LRMDA: variants seen among roughly 807,000 people sequenced by gnomAD.
LRMDA encodes leucine-rich melanocyte differentiation-associated protein.
Under a neutral mutation model 29.8 loss-of-function variants are expected in LRMDA, and 18 were observed. That is an observed-to-expected ratio of 0.60 (90% CI 0.42 to 0.90). The LOEUF (loss-of-function observed/expected upper bound fraction) is 0.90. Among genes scored for constraint, LRMDA ranks in the 40% least tolerant of loss-of-function variants. LRMDA has a pLI of 0.00. For synonymous variants in LRMDA, 125 were observed against 109.4 expected, an observed-to-expected ratio of 1.14 and a Z score of -0.89; for missense variants, 273 against 273.9, an observed-to-expected ratio of 1.00 and a Z score of 0.02.
intron 6 of LRMDA, among the ~76,000 whole-genome samples, chr10:76,425,344 A>AT (rs1006303295): frequency 6.6e-6 from 1 of 151,420 alleles, no homozygotes; most frequent in Non-Finnish European, 1.5e-5. Flanking sequence ...GACAACCTTA[A>AT]TTTTTTTTCT....
intron 2 of LRMDA, among the ~76,000 whole-genome samples, chr10:75,488,628 T>A (rs140007703): frequency 1.3e-5 from 2 of 152,320 alleles, no homozygotes; most frequent in East Asian, 3.9e-4. Flanking sequence ...TGAGACTCAC[T>A]TTTCAGGCCC....
chr10:75,695,568 C>G, intron 2 of LRMDA, among the ~76,000 whole-genome samples: 1 of 152,154 alleles, frequency 6.6e-6, no homozygotes, highest in African/African-American at 2.4e-5. Context: ...ATCTCCCTCC[C>G]CCTCCCTTTA....
chr10:76,093,965 C>A (rs1345081366), intron 5 of LRMDA, among the ~76,000 whole-genome samples: 1 of 152,196 alleles, frequency 6.6e-6, no homozygotes, highest in African/African-American at 2.4e-5. Flanking sequence ...ACCACGCTAT[C>A]CGCCAAAATG....
intron 5 of LRMDA, among the ~76,000 whole-genome samples, chr10:76,211,430 A>G (rs373003569): frequency 1.3e-4 from 20 of 152,206 alleles, no homozygotes; most frequent in East Asian, 5.8e-4. Context: ...CTTAGACTGG[A>G]CACATAGGTG....
intron 2 of LRMDA, among the ~76,000 whole-genome samples, chr10:75,999,808 T>C (rs2132467743): frequency 6.6e-6 from 1 of 152,358 alleles, no homozygotes; most frequent in East Asian, 1.9e-4. Context: ...ATTATTCTAT[T>C]TGAATAGCAC....
chr10:76,401,157 T>G (rs557649195), intron 6 of LRMDA, among the ~76,000 whole-genome samples: 1 of 152,248 alleles, frequency 6.6e-6, no homozygotes, highest in South Asian at 2.1e-4. Flanking sequence ...GAGCTTCCAA[T>G]ATAATGACTT....
intron 5 of LRMDA, among the ~76,000 whole-genome samples, chr10:76,095,222 A>G (rs1849295305): frequency 6.6e-6 from 1 of 152,214 alleles, no homozygotes; most frequent in East Asian, 1.9e-4. Context: ...TGAGAAATAA[A>G]TGGAATCATA....
At chr10:75,797,589 C>T (rs2132257879) in intron 2 of LRMDA, among the ~76,000 whole-genome samples, 1 of 152,274 alleles carries the variant, frequency 6.6e-6, no homozygotes, top group East Asian at 1.9e-4. Flanking sequence ...AAACAAGTTA[C>T]TGTTACAATT....
chr10:76,539,144 A>C (rs1283805270), intron 6 of LRMDA, among the ~76,000 whole-genome samples: 1 of 152,242 alleles, frequency 6.6e-6, no homozygotes, highest in Non-Finnish European at 1.5e-5. Flanking sequence ...ATGAAAGGTC[A>C]GATGAGAAAA....
intron 2 of LRMDA, among the ~76,000 whole-genome samples, chr10:75,525,596 T>C (rs557036512): frequency 4.9e-4 from 72 of 147,828 alleles, no homozygotes; most frequent in South Asian, 3.6e-3. Context: ...TTCTTTCTTT[T>C]TTTTTTTTTT....
intron 6 of LRMDA, among the ~76,000 whole-genome samples, chr10:76,432,377 C>G (rs1312204566): frequency 6.6e-6 from 1 of 152,148 alleles, no homozygotes; most frequent in Non-Finnish European, 1.5e-5. Flanking sequence ...CCCAAACCTT[C>G]CCTACAATTT....
chr10:75,982,267 G>A (rs1221639287), intron 2 of LRMDA, among the ~76,000 whole-genome samples: 5 of 152,206 alleles, frequency 3.3e-5, no homozygotes, highest in African/African-American at 1.2e-4. Flanking sequence ...TGAACTGATT[G>A]GGGTTTTCAG....
chr10:75,558,052 CGGA>C, intron 2 of LRMDA, among the ~76,000 whole-genome samples: 1 of 151,818 alleles, frequency 6.6e-6, no homozygotes, highest in Non-Finnish European at 1.5e-5. Context: ...ACTGCTTCAT[CGGA>C]CAAACAACAC....
Position 75,728,420 on chromosome 10 carries a change from G to A in LRMDA, c.131+289926G>A, listed in dbSNP as rs959996137. 5.5e-5 allele frequency among the ~76,000 whole-genome samples: 8 copies of A among 144,772 alleles called. No homozygotes were observed. In the South Asian group the frequency reaches 6.7e-4, roughly 12 times the overall value. 95.0% of individuals were successfully genotyped at this position (144,772 alleles called of 152,430 possible). On this transcript the variant is annotated intron_variant, in intron 2 of 6. Transcript: ENST00000611255. ...ATGTGCTTAGTTCTGTGCTTGATAC[G>A]TGGCTCTGTGTGTGTGTGTGTGTGT...
At chr10:75,710,122 C>G (rs1842418648) in intron 2 of LRMDA, among the ~76,000 whole-genome samples, 1 of 152,102 alleles carries the variant, frequency 6.6e-6, no homozygotes. Flanking sequence ...TATAGCCCAG[C>G]CAGAAGAGAA....
chr10:76,278,833 A>G (rs917832447), intron 5 of LRMDA, among the ~76,000 whole-genome samples: 1 of 152,188 alleles, frequency 6.6e-6, no homozygotes, highest in African/African-American at 2.4e-5. Flanking sequence ...ACTTTGCCCA[A>G]CATCTTTAAA....
intron 2 of LRMDA, among the ~76,000 whole-genome samples, chr10:75,985,784 A>C (rs933521045): frequency 6.6e-6 from 1 of 152,160 alleles, no homozygotes; most frequent in Non-Finnish European, 1.5e-5. Context: ...GTACAGGAGG[A>C]TGTGAATGCA....
At chr10:76,315,589 T>C (rs561564227) in intron 5 of LRMDA, among the ~76,000 whole-genome samples, 13 of 139,906 alleles carry the variant, frequency 9.3e-5, no homozygotes, top group African/African-American at 3.3e-4. Flanking sequence ...CTCCAGACTT[T>C]GGGCGTCAGT....
At chr10:75,684,176 C>CA (rs1842056488) in intron 2 of LRMDA, among the ~76,000 whole-genome samples, 2 of 152,110 alleles carry the variant, frequency 1.3e-5, no homozygotes, top group African/African-American at 2.4e-5. Context: ...CTCCTCTCTC[C>CA]AAAAAATCTA....
Sources: gnomAD v4.1 joint callset for allele counts (sites outside exome capture counted in the v4.1 genomes callset) on GRCh38, gnomAD v4.1.1 for gene constraint, MANE v1.5 for transcripts, NCBI Gene and HGNC (gene_info 2026-07-23, HGNC 2026-07-21) for gene names.